Variants in KCNQ3 observed in about 807,000 individuals in gnomAD.
KCNQ3 encodes the protein potassium voltage-gated channel subfamily Q member 3, also known as potassium voltage-gated channel subfamily KQT member 3.
A neutral mutation model predicts 92.5 loss-of-function variants in KCNQ3; 30 were observed. The ratio of observed to expected loss-of-function variants is 0.32; its 90% CI spans 0.24 to 0.44. KCNQ3 has a LOEUF of 0.44. Ranked by LOEUF, KCNQ3 falls within the 20% of genes least tolerant of loss-of-function variation. KCNQ3 has a pLI of 1.00. For missense variants in KCNQ3, 913 were observed against 1,140.3 expected (o/e 0.80, Z 2.87); for synonymous variants, 450 against 468.8 (o/e 0.96, Z 0.52).
chr8:132,316,579 T>C (rs1368440928), intron 1 of KCNQ3, among the ~76,000 whole-genome samples: 2 of 152,226 alleles, frequency 1.3e-5, no homozygotes, highest in Non-Finnish European at 2.9e-5. Flanking sequence ...GATTGTGAAA[T>C]TCTGCACACA....
chr8:132,252,782 C>T (rs527383048), intron 1 of KCNQ3, among the ~76,000 whole-genome samples: 110 of 152,260 alleles, frequency 7.2e-4, no homozygotes, highest in African/African-American at 2.2e-3. Context: ...CTGATTGGTG[C>T]GTTTACAATC....
Position 132,129,771 on chromosome 8 carries a change from T to C in KCNQ3, c.2110A>G (p.Ile704Val), listed in dbSNP as rs1824803080. 2 of 1,614,036 alleles carry C rather than the reference T, an allele frequency of 1.2e-6. No individual in the cohort carries two copies. Among genetic ancestry groups the C allele is most frequent in the Admixed American group, 1.7e-5 (1 of 60,010 alleles). ...AACCCATAGGGGCTGACTTTGTCAA[T>C]GGTCACCTGGTGGAAGCTGTAGGGT... ...EPPYSFHQVT[I>V]DKVSPYGFFA... Residue 704 changes from isoleucine (I) to valine (V), a missense_variant, in exon 15 of 15, where the codon ATT (isoleucine) becomes GTT (valine). Ile to Val is a conservative substitution (Grantham distance 29). Transcript: ENST00000388996. This position sits in a 1 kb window ranked among gnomAD's most constrained non-coding sequence, Gnocchi z 5.9.
chr8:132,322,760 C>A (rs963554338), intron 1 of KCNQ3, among the ~76,000 whole-genome samples: 1 of 152,128 alleles, frequency 6.6e-6, no homozygotes, highest in African/African-American at 2.4e-5. Context: ...TGTCCTCATC[C>A]CTCAGATGTC....
Position 132,339,571 on chromosome 8 carries a change from A to C in KCNQ3, c.386+140576T>G, listed in dbSNP as rs150249752. Reference sequence around the variant, plus strand: ...CATTTCTACTAAAAATATTTTAAAAATTAGCTGGGCATGGTGGCGGATGCC... The same window carrying C: ...CATTTCTACTAAAAATATTTTAAAACTTAGCTGGGCATGGTGGCGGATGCC... On this transcript the variant is annotated intron_variant, in intron 1 of 14. Coordinates refer to ENST00000388996, the MANE Select transcript of KCNQ3 (RefSeq NM_004519.4). 3.8e-3 allele frequency among the ~76,000 whole-genome samples: 582 copies of C among 152,318 alleles called. 12 individuals carry two copies. In the East Asian group the frequency reaches 0.041, roughly 11 times the overall value.
At chr8:132,170,288 G>A in intron 8 of KCNQ3, 46 bp downstream of exon 8, 1 of 1,362,142 alleles carries the variant, frequency 7.3e-7, no homozygotes, top group South Asian at 1.2e-5. Context: ...GACCGCAGGA[G>A]AGATGGCTGG....
At chr8:132,354,449 G>A (rs1381672584) in intron 1 of KCNQ3, among the ~76,000 whole-genome samples, 3 of 152,258 alleles carry the variant, frequency 2.0e-5, no homozygotes, top group Non-Finnish European at 2.9e-5. Flanking sequence ...AAAACAGGGG[G>A]CATTAGTTAT....
At chr8:132,412,823 CA>C (rs1820684779) in intron 1 of KCNQ3, among the ~76,000 whole-genome samples, 1 of 152,196 alleles carries the variant, frequency 6.6e-6, no homozygotes, top group Non-Finnish European at 1.5e-5. Flanking sequence ...ACCCCAACTG[CA>C]AAACAGGATC....
chr8:132,222,212 T>C (rs1814262185), intron 1 of KCNQ3, among the ~76,000 whole-genome samples: 1 of 152,212 alleles, frequency 6.6e-6, no homozygotes, highest in Non-Finnish European at 1.5e-5. Context: ...CTCATCTTCA[T>C]TTTATGATGA....
rs1337857803 is a variant in KCNQ3 at position 132,125,350 on chromosome 8, T to C, written c.*3912A>G. On this transcript the variant is annotated 3_prime_UTR_variant, in exon 15 of 15. Coordinates refer to ENST00000388996, the MANE Select transcript of KCNQ3 (RefSeq NM_004519.4). ...AAGCTAGGAAGCATTTCTGTCTGTA[T>C]AGAGTTGTTTGCAGGGATGAAATCA... 2 of 152,198 alleles carry C rather than the reference T, an allele frequency of 1.3e-5. No homozygotes were observed. Among genetic ancestry groups the C allele is most frequent in the Admixed American group, 1.3e-4 (2 of 15,282 alleles). 9.4% of individuals were successfully genotyped at this position (152,198 alleles called of 1,614,324 possible).
At chr8:132,453,020 G>C (rs866761125) in intron 1 of KCNQ3, among the ~76,000 whole-genome samples, 2 of 20,742 alleles carry the variant, frequency 9.6e-5, no homozygotes, top group Non-Finnish European at 2.2e-4. Context: ...CTGGCTGAGA[G>C]TAAGGTGGTC....
In KCNQ3 at chr8:132,480,419, G is replaced by A; in HGVS notation, c.114C>T (p.Asp38=). The A allele has an allele frequency of 2.0e-6, 3 of 1,477,280 alleles. No individual in the cohort carries two copies. The highest frequency in any genetic ancestry group is 2.7e-6 in the Non-Finnish European group (3 of 1,118,616). 91.5% of individuals were successfully genotyped at this position (1,477,280 alleles called of 1,614,324 possible). A position where few individuals can be genotyped will look rare whatever the true frequency, so the allele number is the denominator to read the frequency against. Reference sequence around the variant, plus strand: ...GCGCCAGCCCCACTTTCCGCTCCTCGTCGCCGGCCGCCGCCGCGTCCCCTC... The same window carrying A: ...GCGCCAGCCCCACTTTCCGCTCCTCATCGCCGGCCGCCGCCGCGTCCCCTC... ...PAGGDAAAAG[D]EERKVGLAPG... The change falls in exon 1 of 15, where the codon GAC becomes GAT. Residue 38 remains aspartate (D), a synonymous_variant. Transcript: ENST00000388996.
intron 1 of KCNQ3, among the ~76,000 whole-genome samples, chr8:132,385,326 C>T (rs901692515): frequency 2.0e-5 from 3 of 152,248 alleles, no homozygotes; most frequent in Non-Finnish European, 2.9e-5. Context: ...TTAGAAATAG[C>T]ATGCATGCCA....
intron 1 of KCNQ3, among the ~76,000 whole-genome samples, chr8:132,354,298 C>T (rs1206743409): frequency 3.9e-5 from 6 of 152,204 alleles, no homozygotes; most frequent in Admixed American, 3.9e-4. Context: ...ATTAACTAAA[C>T]TGATACATAC....
intron 1 of KCNQ3, among the ~76,000 whole-genome samples, chr8:132,466,213 T>TG (rs2130862382): frequency 6.6e-6 from 1 of 151,834 alleles, no homozygotes; most frequent in African/African-American, 2.4e-5. Flanking sequence ...CAACCCTAAC[T>TG]GAAAAATTAA....
At chr8:132,337,259 G>T (rs1818389493) in intron 1 of KCNQ3, among the ~76,000 whole-genome samples, 2 of 152,148 alleles carry the variant, frequency 1.3e-5, no homozygotes, top group Admixed American at 1.3e-4. Context: ...CAAGGCAGGA[G>T]GATCGCATTG....
At chr8:132,198,604 C>T in intron 1 of KCNQ3, among the ~76,000 whole-genome samples, 1 of 151,958 alleles carries the variant, frequency 6.6e-6, no homozygotes, top group East Asian at 1.9e-4. Flanking sequence ...GTCAGGAGTT[C>T]CAGAAGACCC....
At chr8:132,447,383 G>A (rs535869736) in intron 1 of KCNQ3, 7 of 755,702 alleles carry the variant, frequency 9.3e-6, no homozygotes, top group Middle Eastern at 2.3e-4. Context: ...CAGATGTGGA[G>A]AAGACACTGC....
At chr8:132,330,128 G>C (rs931977917) in intron 1 of KCNQ3, among the ~76,000 whole-genome samples, 2 of 152,176 alleles carry the variant, frequency 1.3e-5, no homozygotes, top group South Asian at 4.1e-4. Flanking sequence ...GGTACATAGA[G>C]GCAAAGGCAA....
chr8:132,286,227 C>T (rs568503362), intron 1 of KCNQ3, among the ~76,000 whole-genome samples: 106 of 152,290 alleles, frequency 7.0e-4, no homozygotes, highest in Non-Finnish European at 1.1e-3. Context: ...AAGCCACAGA[C>T]ACCAGGATGT....
Sources: gnomAD v4.1 joint callset for allele counts (sites outside exome capture counted in the v4.1 genomes callset) on GRCh38, gnomAD v4.1.1 for gene constraint, Gnocchi (gnomAD v3.1) non-coding constraint, MANE v1.5 for transcripts, NCBI Gene and HGNC (gene_info 2026-07-23, HGNC 2026-07-21) for gene names.